RORA: variants seen among roughly 807,000 people sequenced by gnomAD.
The protein encoded by RORA is nuclear receptor ROR-alpha.
RORA carries 7 observed loss-of-function variants against 69.5 expected under a neutral mutation model. That is an observed-to-expected ratio of 0.10 (90% CI 0.06 to 0.19). The LOEUF (loss-of-function observed/expected upper bound fraction) is 0.19, where lower values mean the gene tolerates loss of function less well. RORA is among the 10% of genes least tolerant of loss of function. The probability of loss-of-function intolerance (pLI) is 1.00; values close to 1 mark genes in which losing one functional copy is unlikely to be tolerated. For missense variants in RORA, 457 were observed against 663.0 expected, an observed-to-expected ratio of 0.69 and a Z score of 3.41; for synonymous variants, 261 against 240.8, an observed-to-expected ratio of 1.08 and a Z score of -0.78.
chr15:60,757,766 C>T (rs2071823920), intron 1 of RORA, among the ~76,000 whole-genome samples: 1 of 152,078 alleles, frequency 6.6e-6, no homozygotes, highest in Non-Finnish European at 1.5e-5. Flanking sequence ...TTTCAGCCTC[C>T]CTTGCTGGTT....
chr15:60,774,807 C>T (rs1269191738), intron 1 of RORA, among the ~76,000 whole-genome samples: 1 of 152,182 alleles, frequency 6.6e-6, no homozygotes, highest in Non-Finnish European at 1.5e-5. Context: ...GAATTGAGGA[C>T]GAAAGCTTTC....
At position 60,820,966 on chromosome 15, in the gene RORA, C is replaced by G. The variant is rs78461015; in HGVS notation, c.167-142280G>C. Among the ~76,000 whole-genome samples the G allele has an allele frequency of 1.0e-3, 128 of 126,886 alleles. 1 individual carries two copies. The highest frequency in any genetic ancestry group is 3.5e-3 in the African/African-American group (115 of 32,736). The allele number at this position is 126,886 out of a possible 152,430, so 83.2% of individuals were successfully genotyped here. A position where few individuals can be genotyped will look rare whatever the true frequency, so the allele number is the denominator to read the frequency against. ...TGGTTGATCTCTAACCCCCACCCCC[C>G]ACCCCAGCTCTGCAATTCTATGCTT... On this transcript the variant is annotated intron_variant, in intron 1 of 10. Transcript: ENST00000335670.
intron 5 of RORA, among the ~76,000 whole-genome samples, chr15:60,509,089 T>G (rs768538892): frequency 6.6e-6 from 1 of 152,106 alleles, no homozygotes; most frequent in Non-Finnish European, 1.5e-5. Flanking sequence ...TAAAATGAAG[T>G]CAAGAGTCTT....
chr15:61,053,104 T>C (rs935711673), intron 1 of RORA, among the ~76,000 whole-genome samples: 4 of 152,204 alleles, frequency 2.6e-5, no homozygotes, highest in African/African-American at 9.7e-5. Flanking sequence ...TGCTGTGTTA[T>C]CAGGAAGAGA....
chr15:60,859,016 T>C (rs2073410115), intron 1 of RORA, among the ~76,000 whole-genome samples: 1 of 151,814 alleles, frequency 6.6e-6, no homozygotes, highest in Non-Finnish European at 1.5e-5. Context: ...TGGGAATGAA[T>C]TGGGCAATTT....
intron 2 of RORA, among the ~76,000 whole-genome samples, chr15:60,567,395 A>C (rs1709500056): frequency 7.1e-6 from 1 of 140,616 alleles, no homozygotes; most frequent in South Asian, 2.2e-4. Context: ...TTTTATTATC[A>C]TTATTATTAT....
At chr15:61,215,031 ATTTTTT>A (rs61132940) in intron 1 of RORA, among the ~76,000 whole-genome samples, 43 of 80,636 alleles carry the variant, frequency 5.3e-4, no homozygotes, top group African/African-American at 2.0e-3. Flanking sequence ...CGCCCAGCTA[ATTTTTT>A]TTTTTTTTTT....
chr15:60,973,194 A>T (rs1056859443), intron 1 of RORA, among the ~76,000 whole-genome samples: 2 of 152,148 alleles, frequency 1.3e-5, no homozygotes, highest in African/African-American at 4.8e-5. Context: ...AACATGAAAG[A>T]TGCTGAAACC....
chr15:61,035,164 T>TC (rs904994895), intron 1 of RORA, among the ~76,000 whole-genome samples: 21 of 152,296 alleles, frequency 1.4e-4, no homozygotes, highest in African/African-American at 5.1e-4. Context: ...CTCATTTTTT[T>TC]CCCCTTCCAG....
At chr15:61,008,682 C>G (rs1471693102) in intron 1 of RORA, among the ~76,000 whole-genome samples, 1 of 152,080 alleles carries the variant, frequency 6.6e-6, no homozygotes, top group Non-Finnish European at 1.5e-5. Context: ...CCTTTGTACA[C>G]ATTTGACTTA....
chr15:61,096,859 C>A (rs2078798160), intron 1 of RORA, among the ~76,000 whole-genome samples: 1 of 152,198 alleles, frequency 6.6e-6, no homozygotes, highest in African/African-American at 2.4e-5. Flanking sequence ...CAGCTTCTCT[C>A]TGGTGCAGCG....
At chr15:61,150,888 T>G (rs1210272675) in intron 1 of RORA, among the ~76,000 whole-genome samples, 2 of 152,240 alleles carry the variant, frequency 1.3e-5, no homozygotes, top group Non-Finnish European at 2.9e-5. Context: ...AGCTGCCCTT[T>G]GGTGCTTTCA....
chr15:60,901,559 A>G (rs1420222407), intron 1 of RORA, among the ~76,000 whole-genome samples: 1 of 152,254 alleles, frequency 6.6e-6, no homozygotes, highest in Non-Finnish European at 1.5e-5. Context: ...TTTGTAAATT[A>G]CACCCAAATA....
At chr15:60,915,338 A>G (rs1891839284) in intron 1 of RORA, among the ~76,000 whole-genome samples, 1 of 152,170 alleles carries the variant, frequency 6.6e-6, no homozygotes, top group African/African-American at 2.4e-5. Context: ...ACAGGCACTC[A>G]CCTACAGAGT....
intron 1 of RORA, among the ~76,000 whole-genome samples, chr15:60,872,861 G>C (rs77921488): frequency 6.6e-6 from 1 of 151,994 alleles, no homozygotes; most frequent in Non-Finnish European, 1.5e-5. Context: ...CCTATGTGCT[G>C]TTCCCCAAGT....
intron 1 of RORA, among the ~76,000 whole-genome samples, chr15:60,792,929 T>C (rs973388402): frequency 6.6e-6 from 1 of 152,086 alleles, no homozygotes; most frequent in Non-Finnish European, 1.5e-5. Flanking sequence ...CTTTGCCCTA[T>C]AGTAAATGAC....
intron 1 of RORA, among the ~76,000 whole-genome samples, chr15:61,046,382 C>T (rs1897025431): frequency 6.6e-6 from 1 of 152,128 alleles, no homozygotes; most frequent in South Asian, 2.1e-4. Flanking sequence ...TAGTCTCCGC[C>T]AGGAGAGGTG....
rs535550106 is a variant in RORA at position 60,812,542 on chromosome 15, T to G, written c.167-133856A>C. ...AAATAAATCAATAAATAAAGAAGAG[T>G]GAATGAAATAATATGTGGAGAAAGC... On this transcript the variant is annotated intron_variant, in intron 1 of 10. Coordinates refer to ENST00000335670, the MANE Select transcript of RORA (RefSeq NM_134261.3). Among the ~76,000 whole-genome samples, 32 of 151,666 alleles carry G rather than the reference T, an allele frequency of 2.1e-4. 1 individual carries two copies. The highest frequency in any genetic ancestry group is 7.5e-4 in the African/African-American group (31 of 41,302).
chr15:61,137,032 AAAGAAAGAAAG>A (rs1743195342), intron 1 of RORA, among the ~76,000 whole-genome samples: 1 of 104,910 alleles, frequency 9.5e-6, no homozygotes, highest in African/African-American at 4.4e-5. Context: ...AGAAAGAAAG[AAAGAAAGAAAG>A]AAAGAAAGAA....
Sources: allele counts gnomAD v4.1 joint callset (sites outside exome capture counted in the v4.1 genomes callset), GRCh38; gene constraint gnomAD v4.1.1; transcripts MANE v1.5; gene names NCBI Gene and HGNC (gene_info 2026-07-23, HGNC 2026-07-21).